TENM4: variants seen among roughly 807,000 people sequenced by gnomAD.
The protein encoded by TENM4 is teneurin transmembrane protein 4.
A neutral mutation model predicts 243.3 loss-of-function variants in TENM4; 82 were observed. The observed-to-expected ratio is 0.34, with a 90% CI of 0.28 to 0.40. The LOEUF is 0.40. Ranked by LOEUF, TENM4 falls within the 10% of genes least tolerant of loss-of-function variation. The pLI is 1.00. For synonymous variants in TENM4, 1,412 were observed against 1,456.3 expected, an observed-to-expected ratio of 0.97 and a Z score of 0.69; for missense variants, 3,138 against 3,673.3, an observed-to-expected ratio of 0.85 and a Z score of 3.77.
chr11:79,226,480 C>G (rs1864267768), intron 2 of TENM4, among the ~76,000 whole-genome samples: 2 of 152,222 alleles, frequency 1.3e-5, no homozygotes, highest in Non-Finnish European at 2.9e-5. Flanking sequence ...CCATTGAACA[C>G]AGGCCCTCAC....
intron 29 of TENM4, among the ~76,000 whole-genome samples, chr11:78,684,313 C>T (rs1858602243): frequency 6.6e-6 from 1 of 152,264 alleles, no homozygotes; most frequent in African/African-American, 2.4e-5. Flanking sequence ...GGTACTTCAT[C>T]AGTACACTAG....
At chr11:79,037,400 T>A (rs1031190246) in intron 6 of TENM4, among the ~76,000 whole-genome samples, 1 of 152,244 alleles carries the variant, frequency 6.6e-6, no homozygotes, top group African/African-American at 2.4e-5. Flanking sequence ...CCAGATTTCT[T>A]ATGCATCTGG....
chr11:79,046,408 TA>T (rs1859659595), intron 6 of TENM4, among the ~76,000 whole-genome samples: 2 of 152,158 alleles, frequency 1.3e-5, no homozygotes, highest in Non-Finnish European at 2.9e-5. Context: ...GCCTGGCAAC[TA>T]ATGGGGTGTG....
intron 4 of TENM4, among the ~76,000 whole-genome samples, chr11:79,109,659 AG>A: frequency 6.6e-6 from 1 of 152,362 alleles, no homozygotes; most frequent in African/African-American, 2.4e-5. Flanking sequence ...GAAGTGTCAA[AG>A]GGTTGCCGAG....
rs1245715953 is a variant in TENM4 at position 78,836,751 on chromosome 11, C to CT, written c.1681+17352dup. 4.6e-5 allele frequency among the ~76,000 whole-genome samples: 7 copies of CT among 152,174 alleles called. No homozygotes were observed. In the East Asian group the frequency reaches 1.4e-3, roughly 29 times the overall value. On this transcript the variant is annotated intron_variant, in intron 12 of 33. Transcript: ENST00000278550. Reference sequence around the variant, plus strand: ...TCAAGATCTAGAGACCATCTGGGGTCTTTTTTTTCCTCTCAAGCAAAACTG... The same window carrying CT: ...TCAAGATCTAGAGACCATCTGGGGTCTTTTTTTTTCCTCTCAAGCAAAACTG...
chr11:79,342,404 A>C (rs954023201), intron 1 of TENM4, among the ~76,000 whole-genome samples: 1 of 152,154 alleles, frequency 6.6e-6, no homozygotes, highest in Non-Finnish European at 1.5e-5. Context: ...TGGAACATGG[A>C]CTTTGTGGCT....
chr11:79,069,612 G>T, intron 5 of TENM4, 110 bp downstream of exon 5: 1 of 1,388,298 alleles, frequency 7.2e-7, no homozygotes, highest in Non-Finnish European at 9.5e-7. Context: ...CCCAACTGGT[G>T]TTCCAGCTCA....
chr11:79,053,970 A>G (rs969133009), intron 6 of TENM4, among the ~76,000 whole-genome samples: 5 of 152,142 alleles, frequency 3.3e-5, no homozygotes, highest in African/African-American at 4.8e-5. Flanking sequence ...ATTTCTCTTG[A>G]CATGCTAGTT....
At chr11:79,065,791 G>GGTAA (rs1394425865) in intron 5 of TENM4, among the ~76,000 whole-genome samples, 1 of 152,090 alleles carries the variant, frequency 6.6e-6, no homozygotes, top group Non-Finnish European at 1.5e-5. Flanking sequence ...ACAGAGGCTG[G>GGTAA]GTAAGAGAAG....
At chr11:78,786,626 T>C (rs1205134449) in intron 16 of TENM4, among the ~76,000 whole-genome samples, 2 of 152,240 alleles carry the variant, frequency 1.3e-5, no homozygotes, top group Non-Finnish European at 2.9e-5. Context: ...CCATACCGCA[T>C]GTAGCCTTGG....
chr11:79,183,901 T>A (rs1283904851), intron 3 of TENM4, among the ~76,000 whole-genome samples: 4 of 152,218 alleles, frequency 2.6e-5, no homozygotes, highest in African/African-American at 9.6e-5. Context: ...TGTGCATTAC[T>A]GGTGGGAATG....
At chr11:78,786,308 T>C (rs780457472) in intron 16 of TENM4, among the ~76,000 whole-genome samples, 14 of 152,216 alleles carry the variant, frequency 9.2e-5, no homozygotes, top group Non-Finnish European at 2.1e-4. Flanking sequence ...GATGTGGCCT[T>C]AGGGCCTGTG....
At chr11:78,986,449 G>A (rs1857920200) in intron 6 of TENM4, among the ~76,000 whole-genome samples, 1 of 152,208 alleles carries the variant, frequency 6.6e-6, no homozygotes, top group Non-Finnish European at 1.5e-5. Flanking sequence ...CATATTGTAA[G>A]TGGATGAGGT....
intron 1 of TENM4, among the ~76,000 whole-genome samples, chr11:79,397,467 A>T (rs1374243346): frequency 6.6e-6 from 1 of 152,274 alleles, no homozygotes; most frequent in Non-Finnish European, 1.5e-5. Flanking sequence ...AGGAACCCCA[A>T]AGATGTGTCA....
intron 1 of TENM4, among the ~76,000 whole-genome samples, chr11:79,434,913 T>TA (rs200201932): frequency 0.014 from 2,083 of 150,974 alleles, 44 homozygotes; most frequent in African/African-American, 0.047. Context: ...GTTATGATAA[T>TA]AAAAAAAAAT....
At chr11:78,786,756 C>A in intron 16 of TENM4, 142 bp downstream of exon 16, 1 of 1,184,026 alleles carries the variant, frequency 8.4e-7, no homozygotes, top group Non-Finnish European at 1.2e-6. Flanking sequence ...CTAGGAAATG[C>A]CAGTCATAAT....
intron 12 of TENM4, among the ~76,000 whole-genome samples, chr11:78,841,204 G>A (rs1174964312): frequency 1.3e-5 from 2 of 152,130 alleles, no homozygotes; most frequent in Admixed American, 1.3e-4. Flanking sequence ...GGAAACTGAG[G>A]CACTGATGGG....
chr11:79,058,375 C>T (rs192147737), intron 6 of TENM4, among the ~76,000 whole-genome samples: 233 of 152,054 alleles, frequency 1.5e-3, no homozygotes, highest in Non-Finnish European at 2.4e-3. Context: ...AACCCTGTCT[C>T]TACTAAAAAT....
chr11:79,309,955 G>A (rs1856691394), intron 1 of TENM4, among the ~76,000 whole-genome samples: 1 of 152,140 alleles, frequency 6.6e-6, no homozygotes, highest in African/African-American at 2.4e-5. Flanking sequence ...CTGCCTGTGG[G>A]AGCCTGTCCT....
Sources: allele counts gnomAD v4.1 joint callset (sites outside exome capture counted in the v4.1 genomes callset), GRCh38; gene constraint gnomAD v4.1.1; transcripts MANE v1.5; gene names NCBI Gene and HGNC (gene_info 2026-07-23, HGNC 2026-07-21).